The following WDR70 variants were observed in gnomAD, a reference collection of about 807,000 sequenced individuals.
WDR70 encodes WD repeat-containing protein 70.
WDR70 carries 53 observed loss-of-function variants against 88.6 expected under a neutral mutation model. The observed-to-expected ratio is 0.60, with a 90% CI of 0.48 to 0.75. The LOEUF (loss-of-function observed/expected upper bound fraction) is 0.75. Among genes scored for constraint, WDR70 ranks in the 30% least tolerant of loss-of-function variants. The pLI is 0.00. For missense variants in WDR70, 610 were observed against 823.2 expected, an observed-to-expected ratio of 0.74 and a Z score of 3.17; for synonymous variants, 280 against 270.0, an observed-to-expected ratio of 1.04 and a Z score of -0.36.
chr5:37,547,672 G>T (rs1742035664), intron 9 of WDR70, among the ~76,000 whole-genome samples: 1 of 152,050 alleles, frequency 6.6e-6, no homozygotes, highest in Non-Finnish European at 1.5e-5. Flanking sequence ...TTTCTTAAAT[G>T]TACGATTAAA....
intron 9 of WDR70, among the ~76,000 whole-genome samples, chr5:37,563,060 G>T (rs1742569020): frequency 1.2e-5 from 1 of 84,046 alleles, no homozygotes; most frequent in Non-Finnish European, 2.6e-5. Context: ...GGACGGGGCG[G>T]CTGGCCGGGC....
At chr5:37,383,640 T>A (rs570922896) in intron 3 of WDR70, among the ~76,000 whole-genome samples, 6 of 151,938 alleles carry the variant, frequency 3.9e-5, no homozygotes, top group Non-Finnish European at 8.8e-5. Context: ...AGTGCAGTGG[T>A]GCGATCTTGG....
intron 4 of WDR70, among the ~76,000 whole-genome samples, chr5:37,393,362 A>G (rs1318118242): frequency 6.6e-6 from 1 of 152,030 alleles, no homozygotes; most frequent in Non-Finnish European, 1.5e-5. Context: ...TTTTAGTGTC[A>G]ATGTCATTTG....
chr5:37,686,365 A>G (rs1746599410), intron 10 of WDR70, among the ~76,000 whole-genome samples: 1 of 152,144 alleles, frequency 6.6e-6, no homozygotes, highest in South Asian at 2.1e-4. Flanking sequence ...TCTGTTGATA[A>G]TTTGTCAGAC....
intron 5 of WDR70, among the ~76,000 whole-genome samples, chr5:37,432,036 A>G (rs918624355): frequency 3.3e-5 from 5 of 152,200 alleles, no homozygotes; most frequent in African/African-American, 1.2e-4. Context: ...TAGCTCTTCA[A>G]GACTCTGCTT....
intron 14 of WDR70, 122 bp downstream of exon 14, chr5:37,721,337 G>T: frequency 1.2e-6 from 1 of 858,110 alleles, no homozygotes; most frequent in African/African-American, 1.7e-5. Context: ...AGAAAATGCA[G>T]CTGGAACAAA....
chr5:37,661,979 C>T (rs1745710524), intron 10 of WDR70, among the ~76,000 whole-genome samples: 1 of 152,180 alleles, frequency 6.6e-6, no homozygotes, highest in Admixed American at 6.5e-5. Context: ...GCAAGAAGGG[C>T]TCTTTTCTGG....
rs139245466 is a variant in WDR70, at chr5:37,539,161, A to G, written c.917+22571A>G. ...TCGCCTCCATATCCAGCTAATTGTC[A>G]TATTTACATCTTTGATGTAATAAGA... On this transcript the variant is annotated intron_variant, in intron 9 of 17. Transcript: ENST00000265107. Among the ~76,000 whole-genome samples the G allele has an allele frequency of 1.3e-4, 20 of 152,302 alleles. No homozygotes were observed. The East Asian group carries it at 1.9e-3, about 15-fold the overall frequency.
chr5:37,701,119 G>A lies in WDR70; in HGVS notation c.1254G>A (p.Ser418=), dbSNP rs202177773. The A allele has an allele frequency of 1.6e-5, 26 of 1,609,558 alleles. No homozygotes were observed. In the Admixed American group the frequency reaches 1.8e-4, roughly 11 times the overall value. The change falls in exon 12 of 18, where the codon TCG becomes TCA. Residue 418 remains serine (S), a synonymous_variant. Transcript: ENST00000265107. ...TTAATAAACCACTTTTTTCAGCCTC[G>A]GGTCTTCCCACCATGTTCCCAATGT... is the stretch of plus-strand genomic sequence containing the variant. ...RQFNKPLFSA[S]GLPTMFPMTD...
chr5:37,391,991 T>A lies in WDR70; in HGVS notation c.176-9T>A, dbSNP rs367698508. ...GATTTTTTTGTTAATCTTTTTTTAA[T>A]CTTTTCAGAAGCAAGAGAAAAAGAG... On this transcript the variant is annotated splice_polypyrimidine_tract_variant and intron_variant, in intron 3 of 17. Coordinates refer to ENST00000265107, the MANE Select transcript of WDR70 (RefSeq NM_018034.4). 42 of 1,585,052 alleles carry A rather than the reference T, an allele frequency of 2.6e-5. No homozygotes were observed. In the African/African-American group the frequency reaches 5.5e-4, roughly 21 times the overall value.
intron 13 of WDR70, among the ~76,000 whole-genome samples, chr5:37,713,155 C>T (rs1747564084): frequency 6.6e-6 from 1 of 152,128 alleles, no homozygotes; most frequent in Non-Finnish European, 1.5e-5. Flanking sequence ...TTTCCTATGA[C>T]CACCTATTTA....
chr5:37,392,222 A>T (rs961831069), intron 4 of WDR70, 102 bp downstream of exon 4: 28 of 1,348,702 alleles, frequency 2.1e-5, no homozygotes, highest in Non-Finnish European at 2.7e-5. Flanking sequence ...GTCTTGCTCT[A>T]TCGCCCTCTG....
chr5:37,717,534 G>A (rs563103487), intron 13 of WDR70, among the ~76,000 whole-genome samples: 2 of 152,308 alleles, frequency 1.3e-5, no homozygotes, highest in South Asian at 4.2e-4. Context: ...TCAAGAACAG[G>A]ATGAAGAAAG....
intron 10 of WDR70, among the ~76,000 whole-genome samples, chr5:37,695,081 C>T (rs1247736443): frequency 6.6e-6 from 1 of 152,092 alleles, no homozygotes; most frequent in African/African-American, 2.4e-5. Context: ...ATCTGGTTGG[C>T]TTGTGGGGAT....
intron 8 of WDR70, among the ~76,000 whole-genome samples, chr5:37,514,356 A>ATATGTATG (rs1554145421): frequency 1.8e-5 from 1 of 54,418 alleles, no homozygotes; most frequent in African/African-American, 3.9e-5. Context: ...ATATATATAT[A>ATATGTATG]TATGTATGTA....
intron 9 of WDR70, among the ~76,000 whole-genome samples, chr5:37,602,469 AG>A (rs1239778718): frequency 2.0e-5 from 3 of 150,702 alleles, no homozygotes; most frequent in African/African-American, 7.3e-5. Context: ...TAGCCAGGCA[AG>A]GTGGCGGGCG....
chr5:37,736,434 C>G (rs1374038181), intron 17 of WDR70, among the ~76,000 whole-genome samples: 1 of 152,022 alleles, frequency 6.6e-6, no homozygotes, highest in African/African-American at 2.4e-5. Flanking sequence ...ACTCTGTGAG[C>G]AAGTGAAGGT....
intron 8 of WDR70, among the ~76,000 whole-genome samples, chr5:37,487,627 A>ATTTTTTTTTTTTTTTTTT (rs70978825): frequency 1.4e-5 from 1 of 69,070 alleles, no homozygotes; most frequent in African/African-American, 5.0e-5. Context: ...ATATATATGT[A>ATTTTTTTTTTTTTTTTTT]TTTTTTTTTT....
intron 9 of WDR70, among the ~76,000 whole-genome samples, chr5:37,525,797 G>A (rs959376653): frequency 6.6e-6 from 1 of 151,800 alleles, no homozygotes; most frequent in African/African-American, 2.4e-5. Context: ...ATGATAAAGG[G>A]GATATCACCA....
Sources: gnomAD v4.1 joint callset for allele counts (sites outside exome capture counted in the v4.1 genomes callset) on GRCh38, gnomAD v4.1.1 for gene constraint, MANE v1.5 for transcripts, NCBI Gene and HGNC (gene_info 2026-07-23, HGNC 2026-07-21) for gene names.